Variants in KIF26B observed in about 807,000 individuals in gnomAD.
KIF26B encodes kinesin-like protein KIF26B.
A neutral mutation model predicts 151.2 loss-of-function variants in KIF26B; 63 were observed. That is an observed-to-expected ratio of 0.42 (90% CI 0.34 to 0.51). KIF26B has a LOEUF of 0.51. Among genes scored for constraint, KIF26B ranks in the 20% least tolerant of loss-of-function variants. The pLI is 0.07. For missense variants in KIF26B, 2,813 were observed against 2,913.6 expected, an observed-to-expected ratio of 0.97 and a Z score of 0.79; for synonymous variants, 1,357 against 1,262.1, an observed-to-expected ratio of 1.08 and a Z score of -1.59.
At chr1:245,234,225 G>A (rs1214520651) in intron 2 of KIF26B, among the ~76,000 whole-genome samples, 1 of 151,962 alleles carries the variant, frequency 6.6e-6, no homozygotes. Context: ...TTTCAACACC[G>A]TAGCCTGTTC....
At chr1:245,623,040 T>G (rs996392848) in intron 9 of KIF26B, among the ~76,000 whole-genome samples, 3 of 150,294 alleles carry the variant, frequency 2.0e-5, no homozygotes, top group East Asian at 2.0e-4. Flanking sequence ...TTTTTTTTTT[T>G]TTTTTTTTTT....
chr1:245,407,464 C>T (rs993283048), intron 3 of KIF26B, among the ~76,000 whole-genome samples: 2 of 133,860 alleles, frequency 1.5e-5, no homozygotes, highest in African/African-American at 6.0e-5. Flanking sequence ...TCTCCCATTT[C>T]TCTCTTTTTC....
chr1:245,471,123 G>GTATATATATATA (rs200717016), intron 4 of KIF26B, among the ~76,000 whole-genome samples: 1 of 139,672 alleles, frequency 7.2e-6, no homozygotes, highest in African/African-American at 2.5e-5. Flanking sequence ...GTATGTGTGT[G>GTATATATATATA]TGTGTGTGTA....
chr1:245,524,237 G>T (rs1661190666), intron 4 of KIF26B, among the ~76,000 whole-genome samples: 1 of 152,198 alleles, frequency 6.6e-6, no homozygotes, highest in African/African-American at 2.4e-5. Context: ...ACTGTGTGCA[G>T]ATCATTCTGT....
chr1:245,275,565 A>G (rs918318184), intron 2 of KIF26B, among the ~76,000 whole-genome samples: 7 of 152,224 alleles, frequency 4.6e-5, no homozygotes, highest in East Asian at 3.9e-4. Flanking sequence ...AGTTTTCCCA[A>G]CACCATTTAT....
chr1:245,383,245 C>T (rs774645720), intron 3 of KIF26B, among the ~76,000 whole-genome samples: 54 of 151,784 alleles, frequency 3.6e-4, no homozygotes, highest in Non-Finnish European at 5.4e-4. Flanking sequence ...TTTAGAAAAC[C>T]GAGGCATCCC....
intron 2 of KIF26B, among the ~76,000 whole-genome samples, chr1:245,333,325 G>T (rs78575199): frequency 6.6e-6 from 1 of 152,008 alleles, no homozygotes; most frequent in Non-Finnish European, 1.5e-5. Flanking sequence ...ATGATGTTAA[G>T]TCGAATCAGC....
At chr1:245,414,498 G>C (rs1674370383) in intron 3 of KIF26B, among the ~76,000 whole-genome samples, 1 of 152,174 alleles carries the variant, frequency 6.6e-6, no homozygotes, top group Non-Finnish European at 1.5e-5. Flanking sequence ...GAAGCCGTGG[G>C]CCCAGGGCCT....
rs1259611219 is a variant in KIF26B, at chr1:245,439,932, T to G, written c.1166+20187T>G. On this transcript the variant is annotated intron_variant, in intron 4 of 14. Transcript: ENST00000407071. ...TTTCAACCTAGAAGTTCCTATAAAGTTCTGACAGGCCAGGTGCGGTGGCTC... is the reference window on the plus strand; with the variant it reads ...TTTCAACCTAGAAGTTCCTATAAAGGTCTGACAGGCCAGGTGCGGTGGCTC... Among the ~76,000 whole-genome samples the G allele has an allele frequency of 2.0e-5, 3 of 152,292 alleles. No homozygotes were observed. In the East Asian group the frequency reaches 5.8e-4, roughly 29 times the overall value.
At chr1:245,189,267 C>T (rs1041551628) in intron 2 of KIF26B, among the ~76,000 whole-genome samples, 20 of 152,176 alleles carry the variant, frequency 1.3e-4, no homozygotes, top group Admixed American at 2.6e-4. Flanking sequence ...TTGTTCAAAT[C>T]CTGGGAAATA....
In KIF26B at chr1:245,702,379, C is replaced by T. The variant is rs1283189708; in HGVS notation, c.6179-79C>T. The stretch of plus-strand genomic sequence containing the variant: ...GACCAAGGGGTAGATGTGGGGGTGG[C>T]AGCTCCAGGCTGAGCCGTCGGGAGT... On this transcript the variant is annotated intron_variant, in intron 14 of 14. Coordinates refer to ENST00000407071, the MANE Select transcript of KIF26B (RefSeq NM_018012.4). This position sits in a 1 kb window ranked among gnomAD's most constrained non-coding sequence, Gnocchi z 4.1. 4 of 1,519,196 alleles carry T rather than the reference C, an allele frequency of 2.6e-6. No homozygotes were observed. The highest frequency in any genetic ancestry group is 3.6e-6 in the Non-Finnish European group (4 of 1,105,856). The allele number at this position is 1,519,196 out of a possible 1,614,324, so 94.1% of individuals were successfully genotyped here.
intron 5 of KIF26B, among the ~76,000 whole-genome samples, chr1:245,566,065 C>A (rs980505189): frequency 2.0e-5 from 3 of 152,218 alleles, no homozygotes; most frequent in Admixed American, 6.5e-5. Context: ...TGGTGCTAAG[C>A]CATTCATAAG....
intron 9 of KIF26B, among the ~76,000 whole-genome samples, chr1:245,644,681 T>C (rs6663144): frequency 0.56 from 85,742 of 152,038 alleles, 24,837 homozygotes; most frequent in African/African-American, 0.69. Context: ...CCCTGTGAAT[T>C]GTGAAGTTTT....
intron 3 of KIF26B, 56 bp from the exon 4 acceptor site, chr1:245,419,523 G>A: frequency 6.6e-7 from 1 of 1,515,386 alleles, no homozygotes; most frequent in Non-Finnish European, 9.0e-7. Flanking sequence ...GCTGTCAGTG[G>A]TCAGGAAAAG....
At chr1:245,366,133 A>G (rs1672943920) in intron 2 of KIF26B, among the ~76,000 whole-genome samples, 1 of 152,224 alleles carries the variant, frequency 6.6e-6, no homozygotes, top group Admixed American at 6.5e-5. Flanking sequence ...GCAGTGGTCC[A>G]GAATTGCACT....
Position 245,702,720 on chromosome 1 carries a change from G to T in KIF26B, c.*114G>T, listed in dbSNP as rs1269456628. On this transcript the variant is annotated 3_prime_UTR_variant, in exon 15 of 15. Transcript: ENST00000407071. This position sits in a 1 kb window ranked among gnomAD's most constrained non-coding sequence, Gnocchi z 4.1. Reference sequence around the variant, plus strand: ...AAGACAATGAATGAGGATGAAGGTTGGTGGCAAGTCTGGAGCGGGCGTTGA... The same window carrying T: ...AAGACAATGAATGAGGATGAAGGTTTGTGGCAAGTCTGGAGCGGGCGTTGA... The T allele has an allele frequency of 2.4e-6, 3 of 1,246,742 alleles. No homozygotes were observed. The African/African-American group carries it at 4.5e-5, about 19-fold the overall frequency. 77.2% of individuals were successfully genotyped at this position (1,246,742 alleles called of 1,614,324 possible). A position where few individuals can be genotyped will look rare whatever the true frequency, so the allele number is the denominator to read the frequency against.
At chr1:245,334,417 A>T (rs1672181582) in intron 2 of KIF26B, among the ~76,000 whole-genome samples, 1 of 152,212 alleles carries the variant, frequency 6.6e-6, no homozygotes, top group African/African-American at 2.4e-5. Flanking sequence ...CCTTCAAAGC[A>T]GTGCCACCTA....
intron 2 of KIF26B, among the ~76,000 whole-genome samples, chr1:245,183,086 T>C (rs1668936821): frequency 6.6e-6 from 1 of 152,248 alleles, no homozygotes; most frequent in Admixed American, 6.5e-5. Flanking sequence ...TTTTCGTGCT[T>C]ATTGACCATT....
chr1:245,370,548 CACAG>C, intron 3 of KIF26B: 1 of 456,070 alleles, frequency 2.2e-6, no homozygotes, highest in Non-Finnish European at 4.4e-6. Context: ...ACTTGTGTTA[CACAG>C]ACAACTCACA....
Sources: allele counts gnomAD v4.1 joint callset (sites outside exome capture counted in the v4.1 genomes callset), GRCh38; gene constraint gnomAD v4.1.1; non-coding constraint Gnocchi (gnomAD v3.1); transcripts MANE v1.5; gene names NCBI Gene and HGNC (gene_info 2026-07-23, HGNC 2026-07-21).